Variants in ADGRG2 observed in about 807,000 individuals in gnomAD.
ADGRG2 encodes the protein adhesion G protein-coupled receptor G2.
Under a neutral mutation model 74.1 loss-of-function variants are expected in ADGRG2, and 26 were observed. That is an observed-to-expected ratio of 0.35 (90% CI 0.26 to 0.49). The LOEUF is 0.49. Among genes scored for constraint, ADGRG2 ranks in the 20% least tolerant of loss-of-function variants. The pLI is 0.99. For missense variants in ADGRG2, 619 were observed against 763.1 expected, an observed-to-expected ratio of 0.81 and a Z score of 2.22; for synonymous variants, 296 against 295.2, an observed-to-expected ratio of 1.00 and a Z score of -0.03.
Position 19,112,942 on chromosome X carries a change from G to A in ADGRG2, c.-47+9500C>T, listed in dbSNP as rs1343517522. Among the ~76,000 whole-genome samples, 5 of 96,002 alleles carry A rather than the reference G, an allele frequency of 5.2e-5. No individual in the cohort carries two copies. The Admixed American group carries it at 5.8e-4, about 11-fold the overall frequency. 83.4% of individuals were successfully genotyped at this position (96,002 alleles called of 115,157 possible). ...CACTGCACTCCAGCCTGGCGACAGG[G>A]TGAGACTCTGTCTCAAACACAAAAC... On this transcript the variant is annotated intron_variant, in intron 1 of 28. Transcript: ENST00000379869.
intron 3 of ADGRG2, among the ~76,000 whole-genome samples, chrX:19,052,866 T>G (rs1449293056): frequency 9.1e-6 from 1 of 110,283 alleles, no homozygotes; most frequent in East Asian, 2.8e-4. Context: ...AGCTAATTTT[T>G]GTATTTTTAG....
intron 3 of ADGRG2, among the ~76,000 whole-genome samples, chrX:19,061,312 C>T (rs966302094): frequency 3.6e-5 from 4 of 111,658 alleles, no homozygotes; most frequent in East Asian, 2.8e-4. Context: ...TAGACAACCA[C>T]AGTTTACTGA....
intron 6 of ADGRG2, among the ~76,000 whole-genome samples, chrX:19,037,189 AG>A (rs1362692253): frequency 8.9e-6 from 1 of 112,277 alleles, no homozygotes; most frequent in Non-Finnish European, 1.9e-5. Context: ...TTGGACAGCA[AG>A]GGAATGGATA....
At chrX:19,062,837 G>T (rs1409757399) in intron 3 of ADGRG2, among the ~76,000 whole-genome samples, 1 of 110,713 alleles carries the variant, frequency 9.0e-6, no homozygotes, top group Non-Finnish European at 1.9e-5. Context: ...CAGAGAGAAA[G>T]TTGGGGATTG....
chrX:19,108,416 T>C (rs2062354017), intron 1 of ADGRG2, among the ~76,000 whole-genome samples: 1 of 112,022 alleles, frequency 8.9e-6, no homozygotes, highest in African/African-American at 3.2e-5. Flanking sequence ...TTTAAAGCAT[T>C]CTTTTAGGTA....
chrX:19,066,133 C>T (rs1040299434), intron 3 of ADGRG2, among the ~76,000 whole-genome samples: 18 of 112,745 alleles, frequency 1.6e-4, no homozygotes, highest in African/African-American at 5.8e-4. Context: ...CAGGCATGAG[C>T]CACTGCACCC....
rs2060580913 is a variant in ADGRG2, at chrX:19,021,179, T to A, written c.568A>T (p.Thr190Ser). ...EAQSTLNCTF[T>S]IKLNNTMNAC... ...TTCATTGTATTATTCAGTTTTATTG[T>A]GAATGTACAATTTAATGTGCTGTAA... The change falls in exon 14 of 29, where the codon ACA becomes TCA. Residue 190 changes from threonine (T) to serine (S), a missense_variant. Thr to Ser is a moderately conservative substitution (Grantham distance 58, BLOSUM62 1). This residue lies in a region of ADGRG2 where 292 missense variants were observed against 318.0 expected (regional missense o/e 0.92). Transcript: ENST00000379869. 2.9e-6 allele frequency: 3 copies of A among 1,045,103 alleles called. No individual in the cohort carries two copies. The highest frequency in any genetic ancestry group is 4.0e-6 in the Non-Finnish European group (3 of 745,950). 86.1% of individuals were successfully genotyped at this position (1,045,103 alleles called of 1,213,427 possible). A position where few individuals can be genotyped will look rare whatever the true frequency, so the allele number is the denominator to read the frequency against.
chrX:19,003,872 G>C (rs1225227737), intron 23 of ADGRG2, among the ~76,000 whole-genome samples: 1 of 112,108 alleles, frequency 8.9e-6, no homozygotes, highest in Non-Finnish European at 1.9e-5. Context: ...ATGGAAAGAA[G>C]AGTTTAAACT....
At chrX:19,046,618 G>A (rs760594554) in intron 3 of ADGRG2, among the ~76,000 whole-genome samples, 4 of 112,591 alleles carry the variant, frequency 3.6e-5, no homozygotes, top group Non-Finnish European at 7.5e-5. Context: ...GAGCAGGAAT[G>A]TAACACAGGG....
At chrX:19,007,795 T>C (rs1307294465) in intron 19 of ADGRG2, among the ~76,000 whole-genome samples, 185 bp downstream of exon 19, 1 of 112,266 alleles carries the variant, frequency 8.9e-6, no homozygotes, top group Admixed American at 9.5e-5. Context: ...ATAAATACTA[T>C]GTAACTGTCA....
At chrX:19,051,679 C>G (rs1264837591) in intron 3 of ADGRG2, among the ~76,000 whole-genome samples, 1 of 111,707 alleles carries the variant, frequency 9.0e-6, no homozygotes, top group African/African-American at 3.3e-5. Context: ...CACTCTCTCT[C>G]TTTCTCCCTC....
intron 24 of ADGRG2, among the ~76,000 whole-genome samples, chrX:19,001,283 G>A (rs746143126): frequency 5.4e-5 from 6 of 110,116 alleles, no homozygotes; most frequent in Non-Finnish European, 1.1e-4. Flanking sequence ...ATGGCTTTTG[G>A]TGGGGAAAGA....
At chrX:19,009,241 A>C (rs2060301008) in intron 18 of ADGRG2, among the ~76,000 whole-genome samples, 2 of 107,699 alleles carry the variant, frequency 1.9e-5, no homozygotes. Flanking sequence ...GCAGTGGTGC[A>C]ATCTTGGCTC....
chrX:19,063,272 C>A (rs184047819), intron 3 of ADGRG2, among the ~76,000 whole-genome samples: 288 of 111,705 alleles, frequency 2.6e-3, no homozygotes, highest in African/African-American at 8.5e-3. Flanking sequence ...TCTCCCAGAG[C>A]CCCGGGTCGG....
chrX:19,055,474 T>C (rs2061396895), intron 3 of ADGRG2, among the ~76,000 whole-genome samples: 1 of 111,894 alleles, frequency 8.9e-6, no homozygotes. Flanking sequence ...ATAATTAGAA[T>C]TTAGTACCCC....
intron 9 of ADGRG2, among the ~76,000 whole-genome samples, chrX:19,029,669 A>G (rs983579914): frequency 9.9e-6 from 1 of 101,021 alleles, no homozygotes; most frequent in Non-Finnish European, 2.0e-5. Flanking sequence ...GCTTTCTGGC[A>G]TCTGTTACTC....
At chrX:19,092,784 A>C (rs7065145) in intron 1 of ADGRG2, among the ~76,000 whole-genome samples, 1,528 of 111,837 alleles carry the variant, frequency 0.014, 30 homozygotes, top group African/African-American at 0.047. Flanking sequence ...CTTCACGTTG[A>C]CTTGTGTCTT....
At chrX:19,027,832 G>A (rs1023954558) in intron 10 of ADGRG2, among the ~76,000 whole-genome samples, 1 of 112,223 alleles carries the variant, frequency 8.9e-6, no homozygotes, top group East Asian at 2.8e-4. Context: ...ATGGGGCAAA[G>A]AGAATCACAT....
At chrX:19,084,677 G>T (rs2061910380) in intron 1 of ADGRG2, among the ~76,000 whole-genome samples, 1 of 112,031 alleles carries the variant, frequency 8.9e-6, no homozygotes, top group South Asian at 3.7e-4. Flanking sequence ...TCCACATAGG[G>T]ATTTCTGATA....
Sources: gnomAD v4.1 joint callset for allele counts (sites outside exome capture counted in the v4.1 genomes callset) on GRCh38, gnomAD v4.1.1 for gene constraint, gnomAD v4.1.1 regional missense constraint, MANE v1.5 for transcripts, NCBI Gene and HGNC (gene_info 2026-07-23, HGNC 2026-07-21) for gene names.